Variants in TAS2R1 observed in about 807,000 individuals in gnomAD.
TAS2R1 encodes taste receptor type 2 member 1.
For synonymous variants in TAS2R1, 141 were observed against 134.2 expected (o/e 1.05, Z -0.35); for missense variants, 370 against 353.4 (o/e 1.05, Z -0.38).
At chr5:9,697,423 C>T (rs965935419) in intron 1 of TAS2R1, among the ~76,000 whole-genome samples, 1 of 151,738 alleles carries the variant, frequency 6.6e-6, no homozygotes, top group African/African-American at 2.4e-5. Flanking sequence ...CCAAGTTACC[C>T]AGTTCATTTT....
chr5:9,842,867 T>C, the TAS2R1 span, among the ~76,000 whole-genome samples: 1 of 152,216 alleles, frequency 6.6e-6, no homozygotes, highest in South Asian at 2.1e-4. Context: ...GTACTTTTGA[T>C]AGCTTTCTAC....
At chr5:9,662,903 T>C (rs1740565909) in intron 1 of TAS2R1, among the ~76,000 whole-genome samples, 1 of 152,216 alleles carries the variant, frequency 6.6e-6, no homozygotes, top group African/African-American at 2.4e-5. Flanking sequence ...ATGGAGGGAT[T>C]CTATCTACAA....
chr5:9,831,377 TGGC>T, the TAS2R1 span, among the ~76,000 whole-genome samples: 2,944 of 152,320 alleles, frequency 0.019, 97 homozygotes, highest in African/African-American at 0.064. Context: ...ATATAAACTA[TGGC>T]ATAGTGTCAC....
intron 1 of TAS2R1, among the ~76,000 whole-genome samples, chr5:9,683,013 C>G (rs62344222): frequency 6.6e-6 from 1 of 152,068 alleles, no homozygotes; most frequent in Non-Finnish European, 1.5e-5. Flanking sequence ...GAGCCAGGGA[C>G]GTAAAAAGAT....
chr5:9,699,169 G>A (rs761833826), intron 1 of TAS2R1, among the ~76,000 whole-genome samples: 3 of 152,196 alleles, frequency 2.0e-5, no homozygotes, highest in Non-Finnish European at 4.4e-5. Flanking sequence ...ACATCAATTC[G>A]TTCTCACAGT....
intron 1 of TAS2R1, among the ~76,000 whole-genome samples, chr5:9,696,116 C>T (rs1741349765): frequency 6.6e-6 from 1 of 151,808 alleles, no homozygotes; most frequent in Non-Finnish European, 1.5e-5. Context: ...CTCCTATGAC[C>T]CGGTAGAGTC....
chr5:9,827,038 T>C, the TAS2R1 span, among the ~76,000 whole-genome samples: 1 of 152,314 alleles, frequency 6.6e-6, no homozygotes, highest in East Asian at 1.9e-4. Context: ...TCTATAACTT[T>C]ACCCAGCTCC....
the TAS2R1 span, among the ~76,000 whole-genome samples, chr5:9,780,578 G>A: frequency 7.9e-5 from 12 of 152,070 alleles, no homozygotes; most frequent in East Asian, 7.7e-4. Flanking sequence ...TCCTTCTTCC[G>A]TAATGATTAT....
At chr5:9,691,179 C>T (rs542150057) in intron 1 of TAS2R1, among the ~76,000 whole-genome samples, 3 of 152,312 alleles carry the variant, frequency 2.0e-5, no homozygotes, top group African/African-American at 7.2e-5. Flanking sequence ...CACATGTGTC[C>T]TCATAAGAGA....
At chr5:9,749,683 A>G in the TAS2R1 span, among the ~76,000 whole-genome samples, 3 of 152,218 alleles carry the variant, frequency 2.0e-5, no homozygotes, top group African/African-American at 7.2e-5. Context: ...CAAGAGAAAA[A>G]TCAAAATTCC....
the TAS2R1 span, among the ~76,000 whole-genome samples, chr5:9,799,653 C>T: frequency 0.021 from 3,125 of 152,240 alleles, 55 homozygotes; most frequent in Non-Finnish European, 0.032. Context: ...AATTAGGGGG[C>T]ATAATTCTCC....
chr5:9,820,742 A>T, the TAS2R1 span, among the ~76,000 whole-genome samples: 1 of 152,238 alleles, frequency 6.6e-6, no homozygotes, highest in East Asian at 1.9e-4. Context: ...CTGCTTTATG[A>T]AACAAATTCC....
chr5:9,840,609 T>C, the TAS2R1 span, among the ~76,000 whole-genome samples: 9,064 of 152,090 alleles, frequency 0.06, 638 homozygotes, highest in East Asian at 0.23. Flanking sequence ...CTATATATTT[T>C]AGATCCCAAG....
intron 2 of TAS2R1, among the ~76,000 whole-genome samples, chr5:9,647,428 G>A (rs752519760): frequency 8.2e-4 from 125 of 152,158 alleles, no homozygotes; most frequent in Non-Finnish European, 1.3e-3. Flanking sequence ...TAGTGACCAT[G>A]CTTTTGAGGA....
the TAS2R1 span, among the ~76,000 whole-genome samples, chr5:9,725,210 G>A: frequency 6.6e-6 from 1 of 152,334 alleles, no homozygotes. Context: ...CCACTGTGGC[G>A]GCACTTGAGC....
chr5:9,730,059 T>C, the TAS2R1 span, among the ~76,000 whole-genome samples: 1 of 152,222 alleles, frequency 6.6e-6, no homozygotes, highest in Non-Finnish European at 1.5e-5. Context: ...ATTTTTATTT[T>C]TTAAATACTC....
chr5:9,694,227 C>A (rs763497745), intron 1 of TAS2R1, among the ~76,000 whole-genome samples: 2 of 151,520 alleles, frequency 1.3e-5, no homozygotes, highest in African/African-American at 2.4e-5. Context: ...AGAAAGCAGA[C>A]GACAAATTGT....
chr5:9,898,400 G>A, the TAS2R1 span, among the ~76,000 whole-genome samples: 1 of 152,170 alleles, frequency 6.6e-6, no homozygotes, highest in Non-Finnish European at 1.5e-5. Context: ...TTAAGAGAGA[G>A]GGACGAGGTA....
the TAS2R1 span, among the ~76,000 whole-genome samples, chr5:9,814,884 A>G: frequency 2.0e-5 from 3 of 152,320 alleles, no homozygotes; most frequent in East Asian, 3.9e-4. Context: ...CTCATTACTG[A>G]GTGTAAACAC....
Sources: gnomAD v4.1 joint callset for allele counts (sites outside exome capture counted in the v4.1 genomes callset) on GRCh38, gnomAD v4.1.1 for gene constraint, MANE v1.5 for transcripts, NCBI Gene and HGNC (gene_info 2026-07-23, HGNC 2026-07-21) for gene names.